The following SHTN1 variants were observed in gnomAD, a reference collection of about 807,000 sequenced individuals.
The protein encoded by SHTN1 is shootin-1.
A neutral mutation model predicts 83.1 loss-of-function variants in SHTN1; 42 were observed. The observed-to-expected ratio is 0.51, with a 90% confidence interval of 0.39 to 0.65. The LOEUF is 0.65. Among genes scored for constraint, SHTN1 ranks in the 30% least tolerant of loss-of-function variants. The pLI is 0.00. For synonymous variants in SHTN1, 224 were observed against 247.7 expected (o/e 0.90, Z 0.90); for missense variants, 622 against 737.8 (o/e 0.84, Z 1.82).
chr10:117,013,642 G>T (rs1852138639), intron 2 of SHTN1, among the ~76,000 whole-genome samples: 1 of 152,186 alleles, frequency 6.6e-6, no homozygotes, highest in Admixed American at 6.5e-5. Flanking sequence ...CAGAGCAACA[G>T]TAACCCTCTT....
chr10:117,038,508 T>TA (rs34274887), intron 2 of SHTN1, among the ~76,000 whole-genome samples: 20 of 151,200 alleles, frequency 1.3e-4, no homozygotes, highest in African/African-American at 4.1e-4. Flanking sequence ...TGGACTGCAT[T>TA]AAAAAAAAAA....
Position 117,097,364 on chromosome 10 carries a change from G to A in SHTN1, c.-189+28943C>T, listed in dbSNP as rs545507080. 7.9e-5 allele frequency among the ~76,000 whole-genome samples: 12 copies of A among 152,296 alleles called. No individual in the cohort carries two copies. In the Middle Eastern group the frequency reaches 0.02, roughly 259 times the overall value. On this transcript the variant is annotated intron_variant, in intron 1 of 17. Coordinates refer to the SHTN1 transcript ENST00000392901. ...ATTTTATAACTCACAGTTTCTGAAA[G>A]AAAAGGTGAAGAGAAAAAAGTAATT... is the stretch of plus-strand genomic sequence containing the variant.
chr10:117,079,042 AT>A (rs1227632598), intron 1 of SHTN1, among the ~76,000 whole-genome samples: 4 of 151,052 alleles, frequency 2.6e-5, no homozygotes, highest in East Asian at 1.9e-4. Flanking sequence ...ATTTTTATTT[AT>A]TTTTTTATTA....
intron 2 of SHTN1, among the ~76,000 whole-genome samples, chr10:116,974,399 A>T (rs1322852880): frequency 6.6e-6 from 1 of 152,152 alleles, no homozygotes; most frequent in Non-Finnish European, 1.5e-5. Flanking sequence ...TTCTTTATTG[A>T]TTTTTTTAAA....
At position 116,948,951 on chromosome 10, in the gene SHTN1, A is replaced by G; in HGVS notation, c.581T>C (p.Leu194Pro). ...QEKTVLNSEV[L>P]EQRKVLEKCN... The stretch of plus-strand genomic sequence containing the variant: ...TTTTTCTAAGACTTTTCTCTGTTCA[A>G]GAACTTCTGAATTTAAAACAGTCTT... The change falls in exon 7 of 17, where the codon CTT becomes CCT. Residue 194 changes from leucine (L) to proline (P), a missense_variant. Physicochemically the swap from Leu to Pro is moderately conservative, Grantham distance 98. Around this residue, in one of 3 missense-constraint regions of SHTN1, gnomAD observed 383 missense variants for 455.8 expected, o/e 0.84. Transcript: ENST00000355371. 3 of 1,576,794 alleles carry G rather than the reference A, an allele frequency of 1.9e-6. No individual in the cohort carries two copies. Among genetic ancestry groups the G allele is most frequent in the South Asian group, 1.2e-5 (1 of 82,186 alleles).
intron 13 of SHTN1, among the ~76,000 whole-genome samples, chr10:116,914,544 A>AG (rs113039935): frequency 0.055 from 8,353 of 152,042 alleles, 729 homozygotes; most frequent in African/African-American, 0.18. Context: ...GGACGTTCAC[A>AG]CGGTTGAGGT....
chr10:116,920,544 G>T (rs577845508), intron 12 of SHTN1, among the ~76,000 whole-genome samples: 1 of 152,230 alleles, frequency 6.6e-6, no homozygotes, highest in Admixed American at 6.5e-5. Flanking sequence ...CTGAATGACT[G>T]CAATAGTCTT....
intron 1 of SHTN1, among the ~76,000 whole-genome samples, chr10:117,100,913 G>T (rs1358711156): frequency 1.3e-5 from 2 of 152,262 alleles, no homozygotes; most frequent in African/African-American, 4.8e-5. Flanking sequence ...TAACATAGAT[G>T]AAGGTAAAAA....
At chr10:116,940,348 G>A in intron 9 of SHTN1, 118 bp downstream of exon 9, 1 of 1,055,276 alleles carries the variant, frequency 9.5e-7, no homozygotes, top group Non-Finnish European at 1.3e-6. Context: ...TAGTAACTAA[G>A]GCAAAATATG....
chr10:117,006,114 A>G (rs192199622), upstream of SHTN1, among the ~76,000 whole-genome samples: 1 of 152,214 alleles, frequency 6.6e-6, no homozygotes, highest in Non-Finnish European at 1.5e-5. Context: ...AGTCTCCTGC[A>G]TCTTTGAACT....
intron 16 of SHTN1, among the ~76,000 whole-genome samples, chr10:116,892,629 G>C (rs1847373518): frequency 1.3e-5 from 2 of 152,118 alleles, no homozygotes; most frequent in African/African-American, 2.4e-5. Flanking sequence ...AAATGTAGTA[G>C]TTTTTCTTTC....
chr10:117,043,396 G>A (rs996748940), intron 2 of SHTN1, among the ~76,000 whole-genome samples: 14 of 152,038 alleles, frequency 9.2e-5, no homozygotes, highest in Non-Finnish European at 1.5e-5. Context: ...TTAGAAAGAT[G>A]GAAAAAGTTC....
chr10:117,086,662 A>C (rs1175933837), intron 1 of SHTN1, among the ~76,000 whole-genome samples: 2 of 152,196 alleles, frequency 1.3e-5, no homozygotes, highest in Non-Finnish European at 2.9e-5. Flanking sequence ...ACAGGAATAT[A>C]AAAGGAGGCA....
At chr10:116,977,203 C>G (rs1244496111) in intron 2 of SHTN1, among the ~76,000 whole-genome samples, 1 of 152,180 alleles carries the variant, frequency 6.6e-6, no homozygotes, top group Non-Finnish European at 1.5e-5. Context: ...AAGGATTAAA[C>G]AAGAAGAATA....
At chr10:117,092,114 A>G in intron 1 of SHTN1, among the ~76,000 whole-genome samples, 1 of 152,202 alleles carries the variant, frequency 6.6e-6, no homozygotes, top group East Asian at 1.9e-4. Context: ...ACATGTAACC[A>G]CTATATTGCA....
At chr10:116,965,189 C>CA (rs562134640) in intron 3 of SHTN1, among the ~76,000 whole-genome samples, 3 of 152,160 alleles carry the variant, frequency 2.0e-5, no homozygotes, top group African/African-American at 7.2e-5. Flanking sequence ...GCCCTATGGC[C>CA]AAACAAAGCT....
chr10:117,038,410 G>C (rs780461789), intron 2 of SHTN1, among the ~76,000 whole-genome samples: 1 of 151,790 alleles, frequency 6.6e-6, no homozygotes, highest in Admixed American at 6.6e-5. Context: ...AAAATGCTGG[G>C]ATTACAGGCA....
intron 2 of SHTN1, among the ~76,000 whole-genome samples, chr10:116,972,633 G>A (rs1291978787): frequency 6.6e-6 from 1 of 152,106 alleles, no homozygotes; most frequent in Non-Finnish European, 1.5e-5. Context: ...CCTCTACCCT[G>A]CTCACGCAGC....
At chr10:117,023,423 A>G (rs957502016) in intron 2 of SHTN1, among the ~76,000 whole-genome samples, 9 of 152,168 alleles carry the variant, frequency 5.9e-5, no homozygotes, top group African/African-American at 2.2e-4. Context: ...CATACCAGAC[A>G]TATATATATG....
Sources: allele counts gnomAD v4.1 joint callset (sites outside exome capture counted in the v4.1 genomes callset), GRCh38; gene constraint gnomAD v4.1.1; regional missense constraint gnomAD v4.1.1; transcripts MANE v1.5; gene names NCBI Gene and HGNC (gene_info 2026-07-23, HGNC 2026-07-21).